Variants in MMP26 observed in about 807,000 individuals in gnomAD.
MMP26 encodes the protein matrix metallopeptidase 26, also known as matrix metalloproteinase-26.
A neutral mutation model predicts 31.0 loss-of-function variants in MMP26; 33 were observed. The observed-to-expected ratio is 1.06, with a 90% CI of 0.81 to 1.42. MMP26 has a LOEUF of 1.42. Ranked by LOEUF, MMP26 falls within the 40% of genes most tolerant of loss-of-function variation. MMP26 has a pLI of 0.00. For synonymous variants in MMP26, 122 were observed against 114.9 expected (o/e 1.06, Z -0.40); for missense variants, 347 against 316.1 (o/e 1.10, Z -0.74).
intron 3 of MMP26, among the ~76,000 whole-genome samples, chr11:4,988,612 A>C (rs1846942385): frequency 6.6e-6 from 1 of 152,122 alleles, no homozygotes; most frequent in Admixed American, 6.5e-5. Flanking sequence ...TGAACACTCC[A>C]GTATATAGGT....
At chr11:4,808,431 C>T (rs1275613101) in intron 2 of MMP26, among the ~76,000 whole-genome samples, 1 of 152,008 alleles carries the variant, frequency 6.6e-6, no homozygotes, top group Non-Finnish European at 1.5e-5. Context: ...TGGACTGGAG[C>T]CTCTAGCACA....
At chr11:4,763,127 C>G (rs990258925) in intron 1 of MMP26, among the ~76,000 whole-genome samples, 5 of 152,110 alleles carry the variant, frequency 3.3e-5, no homozygotes, top group Non-Finnish European at 7.4e-5. Flanking sequence ...ATAGAATGTG[C>G]CTTGAGAGAG....
intron 2 of MMP26, among the ~76,000 whole-genome samples, chr11:4,833,541 C>A (rs1225735363): frequency 6.6e-6 from 1 of 152,140 alleles, no homozygotes; most frequent in Non-Finnish European, 1.5e-5. Flanking sequence ...CTTTACTTTG[C>A]TATTCAAAGT....
chr11:4,747,086 A>G (rs1848391559), intron 1 of MMP26, among the ~76,000 whole-genome samples: 1 of 152,148 alleles, frequency 6.6e-6, no homozygotes, highest in East Asian at 1.9e-4. Flanking sequence ...GTTCTTAGTA[A>G]CTGGTTGATG....
At position 4,988,368 on chromosome 11, in the gene MMP26, C is replaced by T. The variant is rs771003109; in HGVS notation, c.99+58C>T. 3.3e-4 allele frequency: 428 copies of T among 1,308,582 alleles called. 1 individual carries two copies. The highest frequency in any genetic ancestry group is 8.4e-5 in the Admixed American group (5 of 59,596). The allele number at this position is 1,308,582 out of a possible 1,614,324, so 81.1% of individuals were successfully genotyped here. On this transcript the variant is annotated intron_variant, in intron 3 of 7. Transcript: ENST00000380390. The stretch of plus-strand genomic sequence containing the variant: ...TGGTGACCATTGTGGGCTCTTATTT[C>T]GTGTGTGTGTGTATGTGTGACTGCA...
intron 1 of MMP26, among the ~76,000 whole-genome samples, chr11:4,706,577 C>CAAAAAAAAAAAAAAAAA (rs71050423): frequency 1.1e-5 from 1 of 87,566 alleles, no homozygotes; most frequent in Non-Finnish European, 2.1e-5. Context: ...GACCCTATCT[C>CAAAAAAAAAAAAAAAAA]AAAAAAAAAA....
At chr11:4,715,396 C>T (rs992756513) in intron 1 of MMP26, among the ~76,000 whole-genome samples, 1 of 149,546 alleles carries the variant, frequency 6.7e-6, no homozygotes, top group African/African-American at 2.5e-5. Context: ...TCTGACTTGA[C>T]TTAGAGTAGG....
At chr11:4,816,804 C>A (rs891108631) in intron 2 of MMP26, among the ~76,000 whole-genome samples, 8 of 146,556 alleles carry the variant, frequency 5.5e-5, no homozygotes, top group African/African-American at 2.0e-4. Flanking sequence ...CATGGGTTCA[C>A]GCCGTTCTCC....
chr11:4,835,422 T>G (rs1849705130), intron 2 of MMP26, among the ~76,000 whole-genome samples: 1 of 150,460 alleles, frequency 6.6e-6, no homozygotes, highest in Non-Finnish European at 1.5e-5. Context: ...TTAAGAAATT[T>G]TTTTTTCCCC....
intron 2 of MMP26, among the ~76,000 whole-genome samples, chr11:4,796,771 T>G (rs1342060546): frequency 6.6e-6 from 1 of 152,170 alleles, no homozygotes. Context: ...CCAGGTCTCC[T>G]GCTGCTGCCG....
chr11:4,734,802 T>G (rs949893724), intron 1 of MMP26, among the ~76,000 whole-genome samples: 1 of 152,190 alleles, frequency 6.6e-6, no homozygotes, highest in African/African-American at 2.4e-5. Flanking sequence ...CATAGCATAT[T>G]TATATAAGCA....
At chr11:4,819,262 A>C (rs561398684) in intron 2 of MMP26, among the ~76,000 whole-genome samples, 1 of 152,340 alleles carries the variant, frequency 6.6e-6, no homozygotes, top group South Asian at 2.1e-4. Flanking sequence ...TTCACTTGAA[A>C]TTTATTATTG....
chr11:4,835,876 A>T (rs1002602962), intron 2 of MMP26, among the ~76,000 whole-genome samples: 9 of 152,200 alleles, frequency 5.9e-5, no homozygotes, highest in Non-Finnish European at 1.0e-4. Flanking sequence ...ATTAATTCCA[A>T]ATCATTTATT....
Position 4,740,779 on chromosome 11 carries a change from A to G in MMP26, c.-216-26491A>G, listed in dbSNP as rs564206651. ...TAAATATCTTAATTCATACCATTTT[A>G]GAGTCATGTAGAGTCCTAGAATTTT... On this transcript the variant is annotated intron_variant, in intron 1 of 7. Transcript: ENST00000380390. 2.0e-5 allele frequency among the ~76,000 whole-genome samples: 3 copies of G among 152,208 alleles called. No homozygotes were observed. In the East Asian group the frequency reaches 5.8e-4, roughly 29 times the overall value.
intron 2 of MMP26, among the ~76,000 whole-genome samples, chr11:4,780,136 A>T (rs1009423304): frequency 6.6e-6 from 1 of 152,260 alleles, no homozygotes; most frequent in Middle Eastern, 3.4e-3. Flanking sequence ...TTGAATTACT[A>T]CAAATATTGT....
At chr11:4,911,216 T>C (rs901585535) in intron 2 of MMP26, among the ~76,000 whole-genome samples, 1 of 152,176 alleles carries the variant, frequency 6.6e-6, no homozygotes, top group African/African-American at 2.4e-5. Context: ...TGACAAATAA[T>C]GATTTCAGCA....
intron 2 of MMP26, among the ~76,000 whole-genome samples, chr11:4,794,715 GT>G (rs1180377437): frequency 6.6e-6 from 1 of 152,168 alleles, no homozygotes; most frequent in Admixed American, 6.5e-5. Context: ...AAACCCTTTG[GT>G]TCGGGTGAGG....
intron 2 of MMP26, among the ~76,000 whole-genome samples, chr11:4,801,051 T>A (rs1245825304): frequency 6.6e-6 from 1 of 152,204 alleles, no homozygotes; most frequent in Non-Finnish European, 1.5e-5. Context: ...CTTAGTTCAT[T>A]TCTTCACTTC....
intron 2 of MMP26, among the ~76,000 whole-genome samples, chr11:4,849,449 G>A (rs975709929): frequency 2.0e-5 from 3 of 152,042 alleles, no homozygotes; most frequent in Non-Finnish European, 4.4e-5. Flanking sequence ...TCATAGCTCT[G>A]TGGTTCTGTT....
Sources: gnomAD v4.1 joint callset for allele counts (sites outside exome capture counted in the v4.1 genomes callset) on GRCh38, gnomAD v4.1.1 for gene constraint, MANE v1.5 for transcripts, NCBI Gene and HGNC (gene_info 2026-07-23, HGNC 2026-07-21) for gene names.